BCAS3: variants seen among roughly 807,000 people sequenced by gnomAD.
The protein encoded by BCAS3 is BCAS3 microtubule associated cell migration factor.
In BCAS3, 53 loss-of-function variants were observed where a neutral mutation model predicts 116.1. The observed-to-expected ratio is 0.46, with a 90% CI of 0.37 to 0.57. The LOEUF (loss-of-function observed/expected upper bound fraction) is 0.57, where lower values mean the gene tolerates loss of function less well. Ranked by LOEUF, BCAS3 falls within the 20% of genes least tolerant of loss-of-function variation. The probability of loss-of-function intolerance (pLI) is 0.00; values close to 1 mark genes in which losing one functional copy is unlikely to be tolerated. For missense variants in BCAS3, 917 were observed against 1,165.4 expected (o/e 0.79, Z 3.10); for synonymous variants, 391 against 408.2 (o/e 0.96, Z 0.51).
chr17:60,774,411 G>C (rs1321917960), intron 6 of BCAS3, among the ~76,000 whole-genome samples: 1 of 152,022 alleles, frequency 6.6e-6, no homozygotes, highest in Non-Finnish European at 1.5e-5. Flanking sequence ...ATTTTAATGT[G>C]GTTATCTAAT....
intron 22 of BCAS3, among the ~76,000 whole-genome samples, chr17:61,360,274 G>C (rs1221010516): frequency 1.3e-5 from 2 of 152,188 alleles, no homozygotes; most frequent in Non-Finnish European, 2.9e-5. Flanking sequence ...CAAAGTGTTG[G>C]AATTACAGGT....
chr17:61,328,131 G>A (rs2055887267), intron 22 of BCAS3, among the ~76,000 whole-genome samples: 1 of 151,860 alleles, frequency 6.6e-6, no homozygotes, highest in Non-Finnish European at 1.5e-5. Flanking sequence ...ATTTTAGTAT[G>A]CACATATCGT....
intron 9 of BCAS3, among the ~76,000 whole-genome samples, chr17:60,888,520 G>C (rs1271830625): frequency 6.6e-6 from 1 of 152,036 alleles, no homozygotes; most frequent in East Asian, 1.9e-4. Context: ...TATTTTTAAT[G>C]AATAAGATTA....
In BCAS3 at chr17:61,126,058, T is replaced by C. The variant is rs1384099840; in HGVS notation, c.2425+41494T>C. 6.6e-6 allele frequency among the ~76,000 whole-genome samples: 1 copy of C among 152,168 alleles called. No individual in the cohort carries two copies. The highest frequency in any genetic ancestry group is 1.9e-4 in the East Asian group (1 of 5,190). Reference sequence around the variant, plus strand: ...GGAATTCTGAGTAATGTGAAATGTATGTGAATTGGAAGCAGTAATAAATTG... The same window carrying C: ...GGAATTCTGAGTAATGTGAAATGTACGTGAATTGGAAGCAGTAATAAATTG... On this transcript the variant is annotated intron_variant, in intron 22 of 23. Transcript: ENST00000407086. This position sits in a 1 kb window ranked among gnomAD's most constrained non-coding sequence, Gnocchi z 4.6.
chr17:60,796,073 T>C (rs927476749), intron 6 of BCAS3, among the ~76,000 whole-genome samples: 5 of 152,232 alleles, frequency 3.3e-5, no homozygotes, highest in Admixed American at 3.3e-4. Flanking sequence ...ATCCCTGATA[T>C]GAAACCCACT....
chr17:60,810,855 C>A, intron 7 of BCAS3: 1 of 703,276 alleles, frequency 1.4e-6, no homozygotes, highest in Non-Finnish European at 2.6e-6. Context: ...AGACTGCCAG[C>A]TCTGGGTTGA....
At chr17:60,700,287 G>A (rs545072322) in intron 4 of BCAS3, among the ~76,000 whole-genome samples, 2 of 152,274 alleles carry the variant, frequency 1.3e-5, no homozygotes, top group Admixed American at 1.3e-4. Flanking sequence ...GGGTGGTGGT[G>A]GTGTAAGAGG....
At position 60,698,781 on chromosome 17, in the gene BCAS3, C is replaced by T. The variant is rs1406577718; in HGVS notation, c.214+9020C>T. On this transcript the variant is annotated intron_variant, in intron 4 of 23. Coordinates refer to ENST00000407086, the MANE Select transcript of BCAS3 (RefSeq NM_017679.5). Reference sequence around the variant, plus strand: ...TATAAAAAAGGATTCCAGGGCCAGGCACAGTGGCTCACGCCTGTAATCCCA... The same window carrying T: ...TATAAAAAAGGATTCCAGGGCCAGGTACAGTGGCTCACGCCTGTAATCCCA... Among the ~76,000 whole-genome samples, 4 of 152,166 alleles carry T rather than the reference C, an allele frequency of 2.6e-5. No individual in the cohort carries two copies. In the East Asian group the frequency reaches 7.8e-4, roughly 30 times the overall value.
intron 22 of BCAS3, among the ~76,000 whole-genome samples, chr17:61,295,063 C>T (rs773746561): frequency 7.9e-5 from 12 of 152,196 alleles, no homozygotes; most frequent in Non-Finnish European, 1.3e-4. Context: ...AGCTGAGAAT[C>T]GCACCTTCTA....
chr17:61,024,434 A>C (rs1439290517), intron 16 of BCAS3, among the ~76,000 whole-genome samples: 4 of 152,130 alleles, frequency 2.6e-5, no homozygotes. Flanking sequence ...GTTTGATTGA[A>C]TTAGGATAAC....
At chr17:60,853,955 G>T (rs1567716067) in intron 7 of BCAS3, among the ~76,000 whole-genome samples, 3 of 151,870 alleles carry the variant, frequency 2.0e-5, no homozygotes, top group Non-Finnish European at 4.4e-5. Context: ...CAATGTGCAG[G>T]TTTGTTACAT....
intron 22 of BCAS3, among the ~76,000 whole-genome samples, chr17:61,275,000 G>T (rs1006779911): frequency 6.6e-6 from 1 of 152,062 alleles, no homozygotes; most frequent in Non-Finnish European, 1.5e-5. Context: ...ACAGATGAAC[G>T]CCACCATACT....
rs534517911 is a variant in BCAS3, at chr17:61,324,122, C to G, written c.2426-44205C>G. ...TTAGCACATGGGACATACTGGGACT[C>G]TTCCCATCAGGCTGCAAACTCCTCC... On this transcript the variant is annotated intron_variant, in intron 22 of 23. Transcript: ENST00000407086. This position sits in a 1 kb window ranked among gnomAD's most constrained non-coding sequence, Gnocchi z 4.6. Among the ~76,000 whole-genome samples the G allele has an allele frequency of 8.6e-4, 131 of 152,312 alleles. No homozygotes were observed. Among genetic ancestry groups the G allele is most frequent in the Non-Finnish European group, 1.4e-3 (98 of 68,030 alleles).
chr17:60,986,102 A>G (rs2063125538), intron 14 of BCAS3, among the ~76,000 whole-genome samples: 1 of 152,246 alleles, frequency 6.6e-6, no homozygotes, highest in South Asian at 2.1e-4. Context: ...GTCTTTCTGT[A>G]AGTGGCTTAT....
At chr17:60,931,708 T>C (rs1415396671) in intron 13 of BCAS3, among the ~76,000 whole-genome samples, 1 of 152,210 alleles carries the variant, frequency 6.6e-6, no homozygotes, top group Non-Finnish European at 1.5e-5. Context: ...TTGGGCAAGC[T>C]AGTTAATCTG....
chr17:61,391,890 C>A lies in BCAS3; in HGVS notation c.2594-87C>A. ...GGACACAAGTGAACCCAGAATGGTG[C>A]CTCAAGGCAGGCAGCCTGGCCCAGA... On this transcript the variant is annotated intron_variant, in intron 23 of 23. Coordinates refer to ENST00000407086, the MANE Select transcript of BCAS3 (RefSeq NM_017679.5). This position sits in a 1 kb window ranked among gnomAD's most constrained non-coding sequence, Gnocchi z 7.7. The A allele has an allele frequency of 1.4e-6, 2 of 1,452,716 alleles. No homozygotes were observed. Among genetic ancestry groups the A allele is most frequent in the Non-Finnish European group, 1.9e-6 (2 of 1,065,480 alleles). The allele number at this position is 1,452,716 out of a possible 1,614,324, so 90.0% of individuals were successfully genotyped here.
chr17:60,854,024 T>A (rs8073120), intron 7 of BCAS3, among the ~76,000 whole-genome samples: 33,330 of 151,990 alleles, frequency 0.22, 4,732 homozygotes, highest in African/African-American at 0.41. Flanking sequence ...TACATTAGGT[T>A]TATCTCCTAA....
intron 4 of BCAS3, among the ~76,000 whole-genome samples, chr17:60,693,804 T>C (rs1437187378): frequency 1.3e-5 from 2 of 151,616 alleles, no homozygotes; most frequent in Non-Finnish European, 2.9e-5. Flanking sequence ...GTAATTGTTT[T>C]AAGTAAAAAA....
chr17:61,217,051 G>A lies in BCAS3; in HGVS notation c.2425+132487G>A, dbSNP rs2081840107. The stretch of plus-strand genomic sequence containing the variant: ...AATCCCAGCACTTTGGGAGGCTGAG[G>A]TGGGTGGATCACGAGGTCAGGAGAT... On this transcript the variant is annotated intron_variant, in intron 22 of 23. Coordinates refer to ENST00000407086, the MANE Select transcript of BCAS3 (RefSeq NM_017679.5). This position sits in a 1 kb window ranked among gnomAD's most constrained non-coding sequence, Gnocchi z 5.2. Among the ~76,000 whole-genome samples the A allele has an allele frequency of 6.6e-6, 1 of 151,728 alleles. No homozygotes were observed. The highest frequency in any genetic ancestry group is 2.4e-5 in the African/African-American group (1 of 41,348).
Sources: allele counts gnomAD v4.1 joint callset (sites outside exome capture counted in the v4.1 genomes callset), GRCh38; gene constraint gnomAD v4.1.1; non-coding constraint Gnocchi (gnomAD v3.1); transcripts MANE v1.5; gene names NCBI Gene and HGNC (gene_info 2026-07-23, HGNC 2026-07-21).